ZNF75A: variants seen among roughly 807,000 people sequenced by gnomAD.
ZNF75A encodes zinc finger protein 75A.
In ZNF75A, 36 loss-of-function variants were observed where a neutral mutation model predicts 46.3. The ratio of observed to expected loss-of-function variants is 0.78; its 90% CI spans 0.60 to 1.03. The LOEUF (loss-of-function observed/expected upper bound fraction) is 1.03, where lower values mean the gene tolerates loss of function less well. Among genes scored for constraint, ZNF75A ranks in the 50% least tolerant of loss-of-function variants. ZNF75A has a pLI of 0.00. For missense variants in ZNF75A, 595 were observed against 551.3 expected (o/e 1.08, Z -0.79); for synonymous variants, 234 against 189.9 (o/e 1.23, Z -1.91).
chr16:3,311,925 A>G lies in ZNF75A; in HGVS notation c.581A>G (p.Glu194Gly), dbSNP rs1960836799. The change falls in exon 3 of 7, where the codon GAG becomes GGG. Residue 194 changes from glutamate (E) to glycine (G), a missense_variant. Transcript: ENST00000669516. ...CAGCTCAGCAGGAATACTCATAAAG[A>G]GACTGAGCCTGTGTATGAGAGGGGT... is the stretch of plus-strand genomic sequence containing the variant. ...QEQLSRNTHK[E>G]TEPVYERAVP... The G allele has an allele frequency of 5.1e-6, 5 of 987,414 alleles. No homozygotes were observed. Among genetic ancestry groups the G allele is most frequent in the Non-Finnish European group, 6.0e-6 (5 of 830,548 alleles). 61.2% of individuals were successfully genotyped at this position (987,414 alleles called of 1,614,324 possible).
At chr16:3,316,741 C>T in intron 5 of ZNF75A, 171 bp from the exon 6 acceptor site, 1 of 494,488 alleles carries the variant, frequency 2.0e-6, no homozygotes, top group Admixed American at 3.7e-5. Flanking sequence ...GCATAGCTAC[C>T]TATAAGTATA....
At chr16:3,306,727 AT>A (rs1262985669) in intron 1 of ZNF75A, 1 of 151,982 alleles carries the variant, frequency 6.6e-6, no homozygotes, top group Non-Finnish European at 1.5e-5. Context: ...AAAAAACAAA[AT>A]TCGTATAAAT....
chr16:3,317,952 C>T lies in ZNF75A; in HGVS notation c.*83C>T. 1.3e-6 allele frequency: 2 copies of T among 1,487,088 alleles called. No individual in the cohort carries two copies. The highest frequency in any genetic ancestry group is 1.8e-6 in the Non-Finnish European group (2 of 1,124,172). The allele number at this position is 1,487,088 out of a possible 1,614,324, so 92.1% of individuals were successfully genotyped here. A position where few individuals can be genotyped will look rare whatever the true frequency, so the allele number is the denominator to read the frequency against. ...TAAAATTTATGTAAAAGAAAAATCACAAACCTTGAAAAATTTTACATCAGA... is the reference window on the plus strand; with the variant it reads ...TAAAATTTATGTAAAAGAAAAATCATAAACCTTGAAAAATTTTACATCAGA... On this transcript the variant is annotated 3_prime_UTR_variant, in exon 7 of 7. Coordinates refer to ENST00000669516, the MANE Select transcript of ZNF75A (RefSeq NM_001302109.2).
chr16:3,317,158 A>T, intron 6 of ZNF75A, 32 bp from the exon 7 acceptor site: 1 of 1,576,986 alleles, frequency 6.3e-7, no homozygotes, highest in Non-Finnish European at 8.6e-7. Context: ...TTGTTCTGGG[A>T]TACAGATGTG....
rs2150828615 is a variant in ZNF75A, at chr16:3,316,969, C to T, written c.881C>T (p.Pro294Leu). 2.5e-6 allele frequency: 4 copies of T among 1,614,066 alleles called. No individual in the cohort carries two copies. The highest frequency in any genetic ancestry group is 2.5e-6 in the Non-Finnish European group (3 of 1,180,004). The change falls in exon 6 of 7, where the codon CCA becomes CTA. Residue 294 changes from proline (P) to leucine (L), a missense_variant. Physicochemically the swap from Pro to Leu is moderately conservative, Grantham distance 98. Coordinates refer to ENST00000669516, the MANE Select transcript of ZNF75A (RefSeq NM_001302109.2). ...VISCLEQGEE[P>L]WVQVSPEFKD... ...TCCTGTCTAGAGCAAGGGGAAGAGC[C>T]ATGGGTTCAAGTATCCCCGGAGTTT... is the stretch of plus-strand genomic sequence containing the variant.
chr16:3,319,661 C>T (rs895279949), downstream of ZNF75A, among the ~76,000 whole-genome samples: 1 of 152,166 alleles, frequency 6.6e-6, no homozygotes, highest in Admixed American at 6.5e-5. Flanking sequence ...CCTCATGGAA[C>T]TTGTATTCCA....
rs1960126438 is a variant in ZNF75A, at chr16:3,305,533, C to T, written c.-227C>T. ...GTACCTGGACAGGGCTGCGGTAGGC[C>T]AGCGGTGGGCTGGCGGTTGCGCTCC... On this transcript the variant is annotated 5_prime_UTR_variant, in exon 1 of 7. Transcript: ENST00000669516. The T allele has an allele frequency of 6.6e-6, 1 of 152,300 alleles. No individual in the cohort carries two copies. The highest frequency in any genetic ancestry group is 6.5e-5 in the Admixed American group (1 of 15,288). 9.4% of individuals were successfully genotyped at this position (152,300 alleles called of 1,614,324 possible).
intron 5 of ZNF75A, among the ~76,000 whole-genome samples, chr16:3,314,238 A>G (rs1961029343): frequency 6.6e-6 from 1 of 152,184 alleles, no homozygotes; most frequent in Non-Finnish European, 1.5e-5. Context: ...GATTTTCTGT[A>G]TTTTAGAAAT....
downstream of ZNF75A, among the ~76,000 whole-genome samples, chr16:3,322,724 A>AT (rs977682173): frequency 5.2e-4 from 78 of 148,898 alleles, no homozygotes; most frequent in African/African-American, 1.2e-3. Context: ...TACTGTTGAA[A>AT]TTTTTTTTTT....
At chr16:3,321,340 C>T (rs1249483644), downstream of ZNF75A, among the ~76,000 whole-genome samples, 2 of 152,302 alleles carry the variant, frequency 1.3e-5, no homozygotes, top group Non-Finnish European at 2.9e-5. Context: ...CGTGGCTTCA[C>T]GGTTATTTCA....
At chr16:3,314,265 T>G (rs1196883685) in intron 5 of ZNF75A, among the ~76,000 whole-genome samples, 1 of 152,198 alleles carries the variant, frequency 6.6e-6, no homozygotes, top group Non-Finnish European at 1.5e-5. Flanking sequence ...AGGATGATCA[T>G]AGAAACAAGA....
At position 3,317,230 on chromosome 16, in the gene ZNF75A, G is replaced by A. The variant is rs972665159; in HGVS notation, c.975G>A (p.Val325=). Residue 325 remains valine, a synonymous_variant, in exon 7 of 7, where the codon GTG becomes GTA. Transcript: ENST00000669516. ...LKNDTENHQP[V]SLSDLEIQAS... ...ACGACACTGAAAATCATCAGCCTGTGTCTCTTTCTGACTTAGAAATACAAG... is the reference window on the plus strand; with the variant it reads ...ACGACACTGAAAATCATCAGCCTGTATCTCTTTCTGACTTAGAAATACAAG... 1.3e-5 allele frequency: 21 copies of A among 1,613,402 alleles called. No individual in the cohort carries two copies. Among genetic ancestry groups the A allele is most frequent in the Admixed American group, 3.3e-5 (2 of 59,894 alleles).
downstream of ZNF75A, among the ~76,000 whole-genome samples, chr16:3,319,278 T>C (rs750195720): frequency 6.6e-6 from 1 of 152,120 alleles, no homozygotes; most frequent in Non-Finnish European, 1.5e-5. Flanking sequence ...CACGCCTGGC[T>C]AATTTTTTGT....
chr16:3,308,424 G>A lies in ZNF75A; in HGVS notation c.-5G>A, dbSNP rs1567265802. 3.0e-6 allele frequency: 3 copies of A among 985,770 alleles called. No individual in the cohort carries two copies. The highest frequency in any genetic ancestry group is 2.4e-6 in the Non-Finnish European group (2 of 829,966). 61.1% of individuals were successfully genotyped at this position (985,770 alleles called of 1,614,324 possible). A position where few individuals can be genotyped will look rare whatever the true frequency, so the allele number is the denominator to read the frequency against. ...TAACACAGGAGCAGAACTTCCTAGA[G>A]CAGAATGATGATGGTAGATCTGAAA... is the stretch of plus-strand genomic sequence containing the variant. On this transcript the variant is annotated 5_prime_UTR_variant, in exon 2 of 7. Transcript: ENST00000669516.
downstream of ZNF75A, among the ~76,000 whole-genome samples, chr16:3,319,900 C>A (rs1008286876): frequency 2.0e-5 from 3 of 151,812 alleles, no homozygotes; most frequent in African/African-American, 7.3e-5. Flanking sequence ...CAAAGCAGTC[C>A]AGAACACTGA....
At chr16:3,315,138 A>G in intron 5 of ZNF75A, 1 of 954,874 alleles carries the variant, frequency 1.0e-6, no homozygotes, top group Non-Finnish European at 1.2e-6. Context: ...CCATCTCAGT[A>G]AGGGGCATCA....
Position 3,318,670 on chromosome 16 carries a change from T to A in ZNF75A, c.*801T>A. The A allele has an allele frequency of 7.1e-6, 7 of 985,420 alleles. No individual in the cohort carries two copies. The highest frequency in any genetic ancestry group is 8.4e-6 in the Non-Finnish European group (7 of 829,940). 61.0% of individuals were successfully genotyped at this position (985,420 alleles called of 1,614,324 possible). ...GAATTAGTGGGAATTAAGATCAACT[T>A]CTCAGTTTTGTTTGTTTACTTTTTA... is the stretch of plus-strand genomic sequence containing the variant. On this transcript the variant is annotated 3_prime_UTR_variant, in exon 7 of 7. Coordinates refer to ENST00000669516, the MANE Select transcript of ZNF75A (RefSeq NM_001302109.2).
downstream of ZNF75A, among the ~76,000 whole-genome samples, chr16:3,322,519 C>G (rs1257139836): frequency 6.6e-6 from 1 of 152,144 alleles, no homozygotes; most frequent in African/African-American, 2.4e-5. Context: ...AGTCTGAATC[C>G]CTCCTGTGAA....
chr16:3,320,935 G>C (rs1429998834), downstream of ZNF75A, among the ~76,000 whole-genome samples: 1 of 152,190 alleles, frequency 6.6e-6, no homozygotes, highest in Non-Finnish European at 1.5e-5. Flanking sequence ...GCAGGAGCAA[G>C]ACAGTTCCAC....
Sources: allele counts gnomAD v4.1 joint callset (sites outside exome capture counted in the v4.1 genomes callset), GRCh38; gene constraint gnomAD v4.1.1; transcripts MANE v1.5; gene names NCBI Gene and HGNC (gene_info 2026-07-23, HGNC 2026-07-21).